Variants in DSCAM observed in about 807,000 individuals in gnomAD.
DSCAM encodes DS cell adhesion molecule.
In DSCAM, 47 loss-of-function variants were observed where a neutral mutation model predicts 217.7. The observed-to-expected ratio is 0.22, with a 90% CI of 0.17 to 0.28. The LOEUF (loss-of-function observed/expected upper bound fraction) is 0.28. Among genes scored for constraint, DSCAM ranks in the 10% least tolerant of loss-of-function variants. DSCAM has a pLI of 1.00. For missense variants in DSCAM, 2,080 were observed against 2,618.3 expected, an observed-to-expected ratio of 0.79 and a Z score of 4.49; for synonymous variants, 1,056 against 1,015.3, an observed-to-expected ratio of 1.04 and a Z score of -0.76.
chr21:40,785,878 C>A (rs1187020586), intron 1 of DSCAM, among the ~76,000 whole-genome samples: 1 of 152,210 alleles, frequency 6.6e-6, no homozygotes, highest in Non-Finnish European at 1.5e-5. Context: ...CCACATACTC[C>A]CATCATCATT....
At chr21:40,234,708 AT>A (rs1569014786) in intron 11 of DSCAM, among the ~76,000 whole-genome samples, 1 of 152,068 alleles carries the variant, frequency 6.6e-6, no homozygotes, top group African/African-American at 2.4e-5. Flanking sequence ...TTCCTGGTAC[AT>A]TTAAATGCAT....
chr21:40,687,265 T>C (rs1371959835), intron 3 of DSCAM, among the ~76,000 whole-genome samples: 1 of 152,200 alleles, frequency 6.6e-6, no homozygotes, highest in Admixed American at 6.5e-5. Context: ...CTGGCACTTT[T>C]AAAATCAAAG....
At chr21:40,399,831 C>G (rs958540627) in intron 3 of DSCAM, among the ~76,000 whole-genome samples, 1 of 152,162 alleles carries the variant, frequency 6.6e-6, no homozygotes, top group Non-Finnish European at 1.5e-5. Context: ...TTAAGAGGTA[C>G]GTAAAATAAT....
At chr21:40,344,867 T>G (rs1276427378) in intron 6 of DSCAM, among the ~76,000 whole-genome samples, 1 of 152,164 alleles carries the variant, frequency 6.6e-6, no homozygotes, top group African/African-American at 2.4e-5. Context: ...CTGCATTCCG[T>G]ATCTCCTATT....
intron 3 of DSCAM, chr21:40,618,685 C>G (rs2089439126): frequency 6.7e-6 from 1 of 148,172 alleles, no homozygotes; most frequent in Admixed American, 6.7e-5. Flanking sequence ...AGTGGAGAAA[C>G]AAAAGAGGCT....
intron 3 of DSCAM, among the ~76,000 whole-genome samples, chr21:40,629,076 G>GGTGTGT (rs57351838): frequency 3.5e-5 from 5 of 144,356 alleles, no homozygotes; most frequent in African/African-American, 7.7e-5. Flanking sequence ...GTGTGTGTGT[G>GGTGTGT]GTGTGTGTGT....
intron 28 of DSCAM, among the ~76,000 whole-genome samples, chr21:40,056,075 T>C (rs934982225): frequency 2.0e-5 from 3 of 152,224 alleles, no homozygotes; most frequent in African/African-American, 4.8e-5. Flanking sequence ...TCAATAGAGA[T>C]TGGCTCTATA....
At chr21:40,074,817 T>C (rs1295563096) in intron 27 of DSCAM, among the ~76,000 whole-genome samples, 1 of 152,222 alleles carries the variant, frequency 6.6e-6, no homozygotes, top group Admixed American at 6.5e-5. Flanking sequence ...ACAGGTTGGC[T>C]TTCACCTGAT....
At chr21:40,097,986 G>A (rs74982164) in intron 20 of DSCAM, among the ~76,000 whole-genome samples, 960 of 87,714 alleles carry the variant, frequency 0.011, 194 homozygotes, top group African/African-American at 0.044. Flanking sequence ...AAGAAAGAAA[G>A]AAAGAAAGAA....
At chr21:40,830,849 A>G (rs1253084086) in intron 1 of DSCAM, among the ~76,000 whole-genome samples, 3 of 152,244 alleles carry the variant, frequency 2.0e-5, no homozygotes, top group African/African-American at 7.2e-5. Flanking sequence ...TTCTGTCAGT[A>G]TTACCATAGT....
At chr21:40,642,556 C>T (rs1239154135) in intron 3 of DSCAM, among the ~76,000 whole-genome samples, 2 of 152,138 alleles carry the variant, frequency 1.3e-5, no homozygotes, top group Non-Finnish European at 2.9e-5. Flanking sequence ...TGCCTCTTCA[C>T]AAGCTCTCCT....
intron 8 of DSCAM, among the ~76,000 whole-genome samples, chr21:40,322,594 G>A (rs796421503): frequency 3.3e-5 from 5 of 151,682 alleles, no homozygotes; most frequent in South Asian, 2.1e-4. Context: ...GCATGATCTC[G>A]GCTCATGGCA....
intron 1 of DSCAM, among the ~76,000 whole-genome samples, chr21:40,711,506 G>A (rs1568997240): frequency 6.6e-6 from 1 of 152,202 alleles, no homozygotes; most frequent in Non-Finnish European, 1.5e-5. Context: ...GCACAAGGCT[G>A]AATAGATGTG....
chr21:40,133,798 T>A, intron 19 of DSCAM, 56 bp downstream of exon 19: 2 of 1,544,316 alleles, frequency 1.3e-6, no homozygotes, highest in Admixed American at 3.9e-5. Context: ...AAGTGAGCTC[T>A]CTGTGACCCA....
chr21:40,745,693 G>C (rs974956315), intron 1 of DSCAM, among the ~76,000 whole-genome samples: 1 of 152,108 alleles, frequency 6.6e-6, no homozygotes, highest in African/African-American at 2.4e-5. Flanking sequence ...GTGCTAATTT[G>C]TAACAAGAAA....
At chr21:40,097,755 C>T (rs757611534) in intron 20 of DSCAM, among the ~76,000 whole-genome samples, 14 of 151,646 alleles carry the variant, frequency 9.2e-5, no homozygotes, top group East Asian at 3.9e-4. Context: ...TCCTAGCCAA[C>T]GTGGTGAAAC....
chr21:40,743,330 T>C (rs565497063), intron 1 of DSCAM, among the ~76,000 whole-genome samples: 9 of 152,334 alleles, frequency 5.9e-5, no homozygotes, highest in Non-Finnish European at 1.2e-4. Context: ...AAATTGTTTC[T>C]GCATCATCAA....
intron 11 of DSCAM, among the ~76,000 whole-genome samples, chr21:40,240,073 C>A (rs1481473352): frequency 6.6e-6 from 1 of 152,194 alleles, no homozygotes; most frequent in Non-Finnish European, 1.5e-5. Flanking sequence ...TGCCAGGGTA[C>A]AACCCAGGGG....
intron 3 of DSCAM, among the ~76,000 whole-genome samples, chr21:40,573,740 T>TA (rs1363972251): frequency 6.6e-6 from 1 of 152,112 alleles, no homozygotes; most frequent in African/African-American, 2.4e-5. Context: ...AAAATTGGTA[T>TA]ACTTCTAGAA....
Sources: gnomAD v4.1 joint callset for allele counts (sites outside exome capture counted in the v4.1 genomes callset) on GRCh38, gnomAD v4.1.1 for gene constraint, MANE v1.5 for transcripts, NCBI Gene and HGNC (gene_info 2026-07-23, HGNC 2026-07-21) for gene names.